The following PLPP1 variants were observed in gnomAD, a reference collection of about 807,000 sequenced individuals.
PLPP1 encodes phospholipid phosphatase 1, also known as lipid phosphate phosphohydrolase 1a.
In PLPP1, 24 loss-of-function variants were observed where a neutral mutation model predicts 31.2. That is an observed-to-expected ratio of 0.77 (90% CI 0.56 to 1.08). The LOEUF is 1.08. Among genes scored for constraint, PLPP1 ranks in the 50% least tolerant of loss-of-function variants. The pLI is 0.00. For missense variants in PLPP1, 319 were observed against 342.7 expected, an observed-to-expected ratio of 0.93 and a Z score of 0.55; for synonymous variants, 146 against 126.3, an observed-to-expected ratio of 1.16 and a Z score of -1.05.
intron 4 of PLPP1, among the ~76,000 whole-genome samples, chr5:55,441,301 C>G (rs1247478176): frequency 6.6e-6 from 1 of 152,222 alleles, no homozygotes; most frequent in African/African-American, 2.4e-5. Context: ...GGCATCAGAA[C>G]TGGACCTGGA....
chr5:55,438,511 T>C (rs1462605181), intron 4 of PLPP1, among the ~76,000 whole-genome samples: 1 of 152,184 alleles, frequency 6.6e-6, no homozygotes, highest in Admixed American at 6.5e-5. Flanking sequence ...TGACTACGTC[T>C]CTACCCAAAT....
intron 2 of PLPP1, among the ~76,000 whole-genome samples, chr5:55,468,706 G>A (rs556291742): frequency 1.3e-5 from 2 of 152,142 alleles, no homozygotes; most frequent in Non-Finnish European, 2.9e-5. Flanking sequence ...CGGAGGCTAA[G>A]GCAGGAGAAT....
chr5:55,455,332 C>G (rs1320723866), intron 3 of PLPP1, among the ~76,000 whole-genome samples: 1 of 152,248 alleles, frequency 6.6e-6, no homozygotes, highest in African/African-American at 2.4e-5. Flanking sequence ...TGGCTCACAC[C>G]TGTAATCCCG....
intron 1 of PLPP1, among the ~76,000 whole-genome samples, chr5:55,489,431 T>C (rs1385157188): frequency 6.6e-6 from 1 of 152,154 alleles, no homozygotes; most frequent in Non-Finnish European, 1.5e-5. Flanking sequence ...TAACTAAAAT[T>C]TAAGTAACCA....
rs559848989 is a variant in PLPP1, at chr5:55,447,366, C to T, written c.492-5458G>A. 5.3e-5 allele frequency among the ~76,000 whole-genome samples: 8 copies of T among 152,282 alleles called. No individual in the cohort carries two copies. In the East Asian group the frequency reaches 1.5e-3, roughly 29 times the overall value. On this transcript the variant is annotated intron_variant, in intron 3 of 5. Coordinates refer to ENST00000307259, the MANE Select transcript of PLPP1 (RefSeq NM_003711.4). ...TCCCCCAGGTATGCCAAAGTTGGTT[C>T]TGCTACAAATTAGAATTTCCTTTTT...
intron 1 of PLPP1, among the ~76,000 whole-genome samples, chr5:55,513,631 A>C (rs143287895): frequency 1.6e-4 from 24 of 152,204 alleles, no homozygotes; most frequent in African/African-American, 5.8e-4. Context: ...TTCTAGGGTA[A>C]TCAACTTCCG....
At chr5:55,482,156 T>C (rs939301471) in intron 1 of PLPP1, among the ~76,000 whole-genome samples, 2 of 148,696 alleles carry the variant, frequency 1.3e-5, no homozygotes, top group African/African-American at 2.5e-5. Context: ...TTTGGAGATA[T>C]ACATATCTCA....
chr5:55,430,516 C>T (rs1370256558), intron 4 of PLPP1, among the ~76,000 whole-genome samples: 1 of 152,226 alleles, frequency 6.6e-6, no homozygotes, highest in African/African-American at 2.4e-5. Context: ...TGAGACTACA[C>T]TATTGCATGC....
At chr5:55,435,967 T>TCA (rs1358661509) in intron 4 of PLPP1, among the ~76,000 whole-genome samples, 1 of 145,770 alleles carries the variant, frequency 6.9e-6, no homozygotes, top group Non-Finnish European at 1.5e-5. Flanking sequence ...TGAGCCGTGA[T>TCA]CACACCACTG....
chr5:55,492,516 ATTAAAG>A (rs1752916739), intron 1 of PLPP1, among the ~76,000 whole-genome samples: 1 of 152,212 alleles, frequency 6.6e-6, no homozygotes, highest in Non-Finnish European at 1.5e-5. Context: ...AGAAAAGACT[ATTAAAG>A]AAGAGGCAAC....
At chr5:55,427,796 G>T (rs1191906428) in intron 4 of PLPP1, among the ~76,000 whole-genome samples, 1 of 151,428 alleles carries the variant, frequency 6.6e-6, no homozygotes, top group East Asian at 1.9e-4. Flanking sequence ...ATGTGGGAGG[G>T]GGAAGCAGGG....
intron 3 of PLPP1, among the ~76,000 whole-genome samples, chr5:55,458,914 A>AAAAAAAAC (rs1387046910): frequency 8.7e-5 from 13 of 148,866 alleles, no homozygotes; most frequent in Admixed American, 1.4e-4. Context: ...AAAAAAAAAA[A>AAAAAAAAC]AACACATAGC....
intron 1 of PLPP1, among the ~76,000 whole-genome samples, chr5:55,491,860 GAAAAAAAAA>G (rs35303375): frequency 9.8e-6 from 1 of 102,290 alleles, no homozygotes; most frequent in Non-Finnish European, 1.8e-5. Flanking sequence ...TCAATCTCAG[GAAAAAAAAA>G]AAAAAAAGAA....
chr5:55,432,622 C>A (rs1402750150), intron 4 of PLPP1, among the ~76,000 whole-genome samples: 2 of 150,692 alleles, frequency 1.3e-5, no homozygotes, highest in Non-Finnish European at 2.9e-5. Flanking sequence ...ATGCAAAAAT[C>A]CTCAACAAAA....
chr5:55,500,636 T>C (rs1281536188), intron 1 of PLPP1, among the ~76,000 whole-genome samples: 1 of 66,824 alleles, frequency 1.5e-5, no homozygotes, highest in Non-Finnish European at 4.3e-5. Flanking sequence ...TTTTATTCTG[T>C]GGGTAGCAGG....
At chr5:55,448,228 C>T (rs1301970912) in intron 3 of PLPP1, among the ~76,000 whole-genome samples, 1 of 152,098 alleles carries the variant, frequency 6.6e-6, no homozygotes, top group Non-Finnish European at 1.5e-5. Flanking sequence ...CTACAAGAAT[C>T]TCACATCTAA....
intron 1 of PLPP1, among the ~76,000 whole-genome samples, chr5:55,475,706 C>T (rs1408449572): frequency 1.3e-5 from 2 of 152,176 alleles, no homozygotes; most frequent in Non-Finnish European, 2.9e-5. Context: ...GTTATCTTTC[C>T]TTTGTTTCTG....
At chr5:55,500,513 G>C (rs1470541248) in intron 1 of PLPP1, among the ~76,000 whole-genome samples, 4 of 152,170 alleles carry the variant, frequency 2.6e-5, no homozygotes. Flanking sequence ...CTAAATAGCA[G>C]AGATGGTACT....
intron 1 of PLPP1, among the ~76,000 whole-genome samples, chr5:55,512,723 T>TACACACACACAC (rs71600885): frequency 0.022 from 937 of 43,200 alleles, 6 homozygotes; most frequent in Middle Eastern, 0.1. Context: ...CATTATAAAC[T>TACACACACACAC]ACACACACAC....
Sources: allele counts gnomAD v4.1 joint callset (sites outside exome capture counted in the v4.1 genomes callset), GRCh38; gene constraint gnomAD v4.1.1; transcripts MANE v1.5; gene names NCBI Gene and HGNC (gene_info 2026-07-23, HGNC 2026-07-21).